LRRC28: variants seen among roughly 807,000 people sequenced by gnomAD.
LRRC28 encodes the protein leucine rich repeat containing 28, also known as leucine-rich repeat-containing protein 28.
LRRC28 carries 39 observed loss-of-function variants against 45.7 expected under a neutral mutation model. The observed-to-expected ratio is 0.85, with a 90% confidence interval of 0.66 to 1.12. The LOEUF (loss-of-function observed/expected upper bound fraction) is 1.12. Among genes scored for constraint, LRRC28 ranks in the 50% most tolerant of loss-of-function variants. The pLI is 0.00. For missense variants in LRRC28, 435 were observed against 438.5 expected, an observed-to-expected ratio of 0.99 and a Z score of 0.07; for synonymous variants, 206 against 178.8, an observed-to-expected ratio of 1.15 and a Z score of -1.22.
At chr15:99,265,666 T>C (rs60745649) in intron 2 of LRRC28, among the ~76,000 whole-genome samples, 12,695 of 152,148 alleles carry the variant, frequency 0.083, 586 homozygotes, top group African/African-American at 0.11. Flanking sequence ...AGGAAATTAG[T>C]AGTGGGAGCA....
At chr15:99,358,001 A>G (rs530647130) in intron 7 of LRRC28, among the ~76,000 whole-genome samples, 2 of 152,246 alleles carry the variant, frequency 1.3e-5, no homozygotes, top group Admixed American at 6.5e-5. Flanking sequence ...AAATACTGGG[A>G]AAAAAAGAAC....
chr15:99,262,228 AT>A (rs2081217337), intron 2 of LRRC28, among the ~76,000 whole-genome samples: 1 of 152,110 alleles, frequency 6.6e-6, no homozygotes, highest in Non-Finnish European at 1.5e-5. Context: ...GTATGTTTAT[AT>A]TTAGGATAGC....
At chr15:99,334,633 A>G (rs1464668382) in intron 6 of LRRC28, among the ~76,000 whole-genome samples, 1 of 152,160 alleles carries the variant, frequency 6.6e-6, no homozygotes, top group Non-Finnish European at 1.5e-5. Flanking sequence ...CCTGGCTAAA[A>G]AATAATATAT....
intron 6 of LRRC28, among the ~76,000 whole-genome samples, chr15:99,345,502 CAT>C (rs887543257): frequency 2.6e-5 from 4 of 152,082 alleles, no homozygotes; most frequent in Non-Finnish European, 5.9e-5. Flanking sequence ...ATGCTTTGCC[CAT>C]ATTTCAATCG....
intron 6 of LRRC28, among the ~76,000 whole-genome samples, chr15:99,334,680 CAT>C (rs752479184): frequency 6.6e-5 from 10 of 152,172 alleles, no homozygotes; most frequent in African/African-American, 1.2e-4. Context: ...CCCATTTTGA[CAT>C]ATTATATGTC....
At chr15:99,347,417 C>T (rs921535426) in intron 6 of LRRC28, among the ~76,000 whole-genome samples, 6 of 152,146 alleles carry the variant, frequency 3.9e-5, no homozygotes, top group Admixed American at 2.0e-4. Context: ...CCGTATTAGC[C>T]AGGATGGTCT....
At chr15:99,324,301 T>G (rs1179536654) in intron 5 of LRRC28, among the ~76,000 whole-genome samples, 1 of 152,190 alleles carries the variant, frequency 6.6e-6, no homozygotes, top group East Asian at 1.9e-4. Context: ...TTTTTGGAAT[T>G]TTCCATTTAA....
chr15:99,336,750 G>C (rs1354239147), intron 6 of LRRC28, among the ~76,000 whole-genome samples: 1 of 152,150 alleles, frequency 6.6e-6, no homozygotes, highest in African/African-American at 2.4e-5. Context: ...CTGTTATCTA[G>C]GTCTGTCTTG....
At chr15:99,311,970 T>C (rs1955429240) in intron 5 of LRRC28, among the ~76,000 whole-genome samples, 1 of 152,178 alleles carries the variant, frequency 6.6e-6, no homozygotes, top group Non-Finnish European at 1.5e-5. Flanking sequence ...ATTAAGCCAA[T>C]ATTGACCTGA....
intron 5 of LRRC28, among the ~76,000 whole-genome samples, chr15:99,289,166 G>C (rs1196889997): frequency 6.6e-6 from 1 of 151,962 alleles, no homozygotes; most frequent in Non-Finnish European, 1.5e-5. Flanking sequence ...TGATTTCTTG[G>C]GAGGAGCATC....
At chr15:99,373,640 C>T (rs889216864) in intron 9 of LRRC28, among the ~76,000 whole-genome samples, 9 of 152,062 alleles carry the variant, frequency 5.9e-5, no homozygotes, top group Admixed American at 5.2e-4. Flanking sequence ...ACTTTTTGTA[C>T]CCATTAACCG....
intron 9 of LRRC28, among the ~76,000 whole-genome samples, chr15:99,383,318 C>G (rs1052461677): frequency 6.6e-6 from 1 of 152,186 alleles, no homozygotes; most frequent in Non-Finnish European, 1.5e-5. Context: ...AGGGAACGTG[C>G]CAGCACTGCG....
At chr15:99,385,906 A>T in intron 9 of LRRC28, 124 bp from the exon 10 acceptor site, 1 of 795,328 alleles carries the variant, frequency 1.3e-6, no homozygotes, top group Non-Finnish European at 2.2e-6. Flanking sequence ...TTAAATTTCT[A>T]TTATGCAGTT....
intron 2 of LRRC28, chr15:99,257,907 T>G: frequency 1.3e-6 from 1 of 770,126 alleles, no homozygotes; most frequent in East Asian, 2.5e-5. Flanking sequence ...CATCAATTCA[T>G]TGTATGAAAA....
intron 2 of LRRC28, chr15:99,259,628 G>C: frequency 2.0e-6 from 3 of 1,488,026 alleles, no homozygotes; most frequent in Non-Finnish European, 2.8e-6. Context: ...AACGGGCAAG[G>C]GCATCTCTAC....
At chr15:99,383,127 TC>T (rs1157471523) in intron 9 of LRRC28, among the ~76,000 whole-genome samples, 2 of 152,196 alleles carry the variant, frequency 1.3e-5, no homozygotes, top group Non-Finnish European at 2.9e-5. Flanking sequence ...TGTCCCTCTG[TC>T]CCCATCATAC....
chr15:99,322,693 C>T (rs1955841534), intron 5 of LRRC28, among the ~76,000 whole-genome samples: 1 of 152,068 alleles, frequency 6.6e-6, no homozygotes, highest in South Asian at 2.1e-4. Context: ...GTCCAGATAC[C>T]ATTTTACAGC....
At chr15:99,329,755 T>C (rs550759813) in intron 5 of LRRC28, among the ~76,000 whole-genome samples, 7 of 152,348 alleles carry the variant, frequency 4.6e-5, no homozygotes, top group African/African-American at 7.2e-5. Context: ...TAGTTTTTCA[T>C]TGATCTCGTC....
intron 6 of LRRC28, among the ~76,000 whole-genome samples, chr15:99,339,320 C>G (rs2152301305): frequency 6.6e-6 from 1 of 152,258 alleles, no homozygotes; most frequent in East Asian, 1.9e-4. Flanking sequence ...AGTTAGCTCC[C>G]AGGAAATGCC....
Sources: allele counts gnomAD v4.1 joint callset (sites outside exome capture counted in the v4.1 genomes callset), GRCh38; gene constraint gnomAD v4.1.1; transcripts MANE v1.5; gene names NCBI Gene and HGNC (gene_info 2026-07-23, HGNC 2026-07-21).